Variants in C1GALT1 observed in about 807,000 individuals in gnomAD.
The protein encoded by C1GALT1 is core 1 synthase, glycoprotein-N-acetylgalactosamine 3-beta-galactosyltransferase 1.
C1GALT1 carries 11 observed loss-of-function variants against 31.0 expected under a neutral mutation model. The ratio of observed to expected loss-of-function variants is 0.36; its 90% CI spans 0.22 to 0.59. The LOEUF (loss-of-function observed/expected upper bound fraction) is 0.59, where lower values mean the gene tolerates loss of function less well. C1GALT1 is among the 20% of genes least tolerant of loss of function. The probability of loss-of-function intolerance (pLI) is 0.79; values close to 1 mark genes in which losing one functional copy is unlikely to be tolerated. For missense variants in C1GALT1, 424 were observed against 425.2 expected, an observed-to-expected ratio of 1.00 and a Z score of 0.03; for synonymous variants, 175 against 143.6, an observed-to-expected ratio of 1.22 and a Z score of -1.56.
At chr7:7,217,868 A>G (rs1782317335) in intron 1 of C1GALT1, among the ~76,000 whole-genome samples, 1 of 152,146 alleles carries the variant, frequency 6.6e-6, no homozygotes, top group African/African-American at 2.4e-5. Context: ...ATCAGGCAGC[A>G]TAGATACCGT....
intron 1 of C1GALT1, among the ~76,000 whole-genome samples, chr7:7,197,246 A>G (rs973164634): frequency 6.6e-6 from 1 of 151,984 alleles, no homozygotes; most frequent in Non-Finnish European, 1.5e-5. Context: ...ATCCAGTTTC[A>G]GCTTTCTACA....
At chr7:7,212,891 G>T (rs1160225022) in intron 1 of C1GALT1, among the ~76,000 whole-genome samples, 1 of 152,260 alleles carries the variant, frequency 6.6e-6, no homozygotes, top group South Asian at 2.1e-4. Context: ...ACGATGGCTT[G>T]ACCATGGTGC....
Position 7,244,139 on chromosome 7 carries a change from G to A in C1GALT1, c.*412G>A, listed in dbSNP as rs1463931761. ...AAAGAAAATTTTAGAAAGAAATATT[G>A]TTGCTCAGTGTTGTTAATATAGCTC... On this transcript the variant is annotated 3_prime_UTR_variant, in exon 4 of 4. Coordinates refer to ENST00000436587, the MANE Select transcript of C1GALT1 (RefSeq NM_020156.5). 6.5e-6 allele frequency: 1 copy of A among 153,848 alleles called. No individual in the cohort carries two copies. The highest frequency in any genetic ancestry group is 1.5e-5 in the Non-Finnish European group (1 of 68,962). The allele number at this position is 153,848 out of a possible 1,614,324, so 9.5% of individuals were successfully genotyped here.
intron 1 of C1GALT1, among the ~76,000 whole-genome samples, chr7:7,233,130 A>G (rs895188563): frequency 1.3e-5 from 2 of 152,180 alleles, no homozygotes; most frequent in African/African-American, 4.8e-5. Context: ...AAGCTTAAAA[A>G]GGGCGTTTAT....
At chr7:7,236,698 T>A (rs1783373130) in intron 2 of C1GALT1, among the ~76,000 whole-genome samples, 1 of 151,768 alleles carries the variant, frequency 6.6e-6, no homozygotes, top group Admixed American at 6.6e-5. Context: ...ATTTTTTGTA[T>A]CTTTTTTAGT....
In C1GALT1 at chr7:7,206,925, T is replaced by TA. The variant is rs201285774; in HGVS notation, c.-18+24105_-18+24106insA. On this transcript the variant is annotated intron_variant, in intron 1 of 3. Coordinates refer to ENST00000436587, the MANE Select transcript of C1GALT1 (RefSeq NM_020156.5). Reference sequence around the variant, plus strand: ...CTCTTAGTGGTTTCATTATAATATATTTTGCTGTGAGTCTCCTTGAAGTCA... The same window carrying TA: ...CTCTTAGTGGTTTCATTATAATATATATTTGCTGTGAGTCTCCTTGAAGTCA... Among the ~76,000 whole-genome samples, 100 of 152,348 alleles carry TA rather than the reference T, an allele frequency of 6.6e-4. 1 individual carries two copies. The East Asian group carries it at 0.018, about 27-fold the overall frequency.
intron 1 of C1GALT1, among the ~76,000 whole-genome samples, chr7:7,224,784 A>G (rs1782678334): frequency 6.6e-6 from 1 of 151,986 alleles, no homozygotes; most frequent in East Asian, 1.9e-4. Flanking sequence ...TTTACATTTT[A>G]GGTTCAGGGG....
chr7:7,185,518 TC>T (rs1438029476), intron 1 of C1GALT1, among the ~76,000 whole-genome samples: 1 of 152,182 alleles, frequency 6.6e-6, no homozygotes, highest in African/African-American at 2.4e-5. Flanking sequence ...GAGAATCTGT[TC>T]CATGCCTCTT....
chr7:7,174,248 A>G (rs904700761), intron 2 of C1GALT1, among the ~76,000 whole-genome samples: 1 of 152,188 alleles, frequency 6.6e-6, no homozygotes, highest in African/African-American at 2.4e-5. Flanking sequence ...GGGCTTCAGC[A>G]TAGGAATTCT....
chr7:7,163,015 G>C, intron 2 of C1GALT1, among the ~76,000 whole-genome samples: 1 of 151,952 alleles, frequency 6.6e-6, no homozygotes, highest in East Asian at 1.9e-4. Flanking sequence ...CTGGATATTA[G>C]CCCTTTGTCA....
chr7:7,181,059 A>C (rs1480719311), upstream of C1GALT1, among the ~76,000 whole-genome samples: 3 of 152,190 alleles, frequency 2.0e-5, no homozygotes, highest in African/African-American at 7.2e-5. Context: ...CAATGGAAAA[A>C]AGTGTTATTC....
At chr7:7,168,761 A>T (rs987062242) in intron 2 of C1GALT1, among the ~76,000 whole-genome samples, 13 of 152,252 alleles carry the variant, frequency 8.5e-5, no homozygotes, top group African/African-American at 2.9e-4. Context: ...AAAGTCTCTA[A>T]AAAAGGAAGC....
intron 3 of C1GALT1, among the ~76,000 whole-genome samples, chr7:7,242,667 T>TA: frequency 6.6e-6 from 1 of 152,104 alleles, no homozygotes; most frequent in Middle Eastern, 3.4e-3. Context: ...ATTCATCTCT[T>TA]TTTCTGTCTT....
intron 1 of C1GALT1, among the ~76,000 whole-genome samples, chr7:7,222,384 T>G (rs1782548175): frequency 6.6e-6 from 1 of 152,236 alleles, no homozygotes; most frequent in South Asian, 2.1e-4. Context: ...TCTGGACCTT[T>G]TTGAAGTCTG....
rs536968419 is a variant in C1GALT1, at chr7:7,175,259, T to C, written c.-18+17833T>C. Among the ~76,000 whole-genome samples the C allele has an allele frequency of 5.0e-4, 76 of 152,336 alleles. 1 individual carries two copies. In the South Asian group the frequency reaches 0.015, roughly 31 times the overall value. ...TCCCTTAGCCTGTGTTCAGCTAGTGTTTTGGCAGATTTCCTCGAATGCCAG... is the reference window on the plus strand; with the variant it reads ...TCCCTTAGCCTGTGTTCAGCTAGTGCTTTGGCAGATTTCCTCGAATGCCAG... On this transcript the variant is annotated intron_variant, in intron 2 of 3. Transcript: ENST00000429911.
At chr7:7,229,679 C>G (rs1005051506) in intron 1 of C1GALT1, among the ~76,000 whole-genome samples, 1 of 152,136 alleles carries the variant, frequency 6.6e-6, no homozygotes, top group South Asian at 2.1e-4. Flanking sequence ...AGAACAATCA[C>G]TTAAGACAGG....
chr7:7,232,702 C>G (rs1335316164), intron 1 of C1GALT1, among the ~76,000 whole-genome samples: 1 of 152,086 alleles, frequency 6.6e-6, no homozygotes, highest in African/African-American at 2.4e-5. Flanking sequence ...GTTGGCCAGG[C>G]TGGTCTTGAA....
At position 7,238,484 on chromosome 7, in the gene C1GALT1, T is replaced by C; in HGVS notation, c.450T>C (p.Ala150=). The part of the protein sequence containing the change: ...RDQLYWKTIK[A]FQYVHEHYLE... The stretch of plus-strand genomic sequence containing the variant: ...AACTATACTGGAAAACAATTAAAGC[T>C]TTTCAGTATGTTCATGAACATTATT... The change falls in exon 3 of 4, where the codon GCT becomes GCC. Residue 150 remains alanine, a synonymous_variant. Transcript: ENST00000436587. This position sits in a 1 kb window ranked among gnomAD's most constrained non-coding sequence, Gnocchi z 5.2. 1.9e-6 allele frequency: 3 copies of C among 1,614,004 alleles called. No individual in the cohort carries two copies. Among genetic ancestry groups the C allele is most frequent in the Non-Finnish European group, 2.5e-6 (3 of 1,179,946 alleles).
chr7:7,235,717 T>C (rs1477176869), intron 2 of C1GALT1, among the ~76,000 whole-genome samples: 2 of 152,086 alleles, frequency 1.3e-5, no homozygotes, highest in Admixed American at 1.3e-4. Context: ...GTAAATTGAG[T>C]CTCCTTTTCC....
Sources: allele counts gnomAD v4.1 joint callset (sites outside exome capture counted in the v4.1 genomes callset), GRCh38; gene constraint gnomAD v4.1.1; non-coding constraint Gnocchi (gnomAD v3.1); transcripts MANE v1.5; gene names NCBI Gene and HGNC (gene_info 2026-07-23, HGNC 2026-07-21).